The following PGM5 variants were observed in gnomAD, a reference collection of about 807,000 sequenced individuals.
PGM5 encodes the protein phosphoglucomutase-like protein 5.
PGM5 carries 23 observed loss-of-function variants against 59.2 expected under a neutral mutation model. The observed-to-expected ratio is 0.39, with a 90% CI of 0.28 to 0.55. PGM5 has a LOEUF of 0.55. Among genes scored for constraint, PGM5 ranks in the 20% least tolerant of loss-of-function variants. The pLI is 0.66. For missense variants in PGM5, 574 were observed against 748.3 expected (o/e 0.77, Z 2.72); for synonymous variants, 214 against 286.0 (o/e 0.75, Z 2.54).
intron 9 of PGM5, among the ~76,000 whole-genome samples, chr9:68,487,277 C>T (rs1554687589): frequency 6.6e-6 from 1 of 152,098 alleles, no homozygotes; most frequent in Non-Finnish European, 1.5e-5. Context: ...AATTATCACA[C>T]ATGCATCATG....
chr9:68,468,529 C>T (rs1823971771), intron 7 of PGM5, among the ~76,000 whole-genome samples: 1 of 152,096 alleles, frequency 6.6e-6, no homozygotes, highest in Admixed American at 6.5e-5. Context: ...AAGTATTTGC[C>T]TATTTCAATT....
chr9:68,529,698 G>T lies in PGM5; in HGVS notation c.*42G>T. The T allele has an allele frequency of 2.4e-6, 3 of 1,242,640 alleles. No homozygotes were observed. Among genetic ancestry groups the T allele is most frequent in the Non-Finnish European group, 3.4e-6 (3 of 881,476 alleles). 77.0% of individuals were successfully genotyped at this position (1,242,640 alleles called of 1,614,324 possible). On this transcript the variant is annotated 3_prime_UTR_variant, in exon 11 of 11. Coordinates refer to ENST00000396396, the MANE Select transcript of PGM5 (RefSeq NM_021965.4). ...TCACCAGGGCCAAAGAGAGTGCTCAGCGGGAGATGCTTCACTGATGCCTTC... is the reference window on the plus strand; with the variant it reads ...TCACCAGGGCCAAAGAGAGTGCTCATCGGGAGATGCTTCACTGATGCCTTC...
intron 6 of PGM5, among the ~76,000 whole-genome samples, chr9:68,460,888 G>A (rs1034128658): frequency 1.3e-5 from 2 of 152,044 alleles, no homozygotes; most frequent in Non-Finnish European, 2.9e-5. Flanking sequence ...GTGTGTGGAG[G>A]GAAAGTGTTC....
chr9:68,458,131 A>G (rs1564010749), intron 6 of PGM5, among the ~76,000 whole-genome samples: 1 of 152,222 alleles, frequency 6.6e-6, no homozygotes, highest in Non-Finnish European at 1.5e-5. Flanking sequence ...GGTCCAGATT[A>G]TTTAACAGTT....
At chr9:68,512,864 A>T (rs1824770715) in intron 10 of PGM5, among the ~76,000 whole-genome samples, 1 of 152,236 alleles carries the variant, frequency 6.6e-6, no homozygotes. Context: ...GTAATACATA[A>T]ATGAATTAGT....
intron 10 of PGM5, among the ~76,000 whole-genome samples, chr9:68,527,883 T>C (rs1825013282): frequency 6.6e-6 from 1 of 152,340 alleles, no homozygotes; most frequent in African/African-American, 2.4e-5. Context: ...CCTTGCCTAA[T>C]GAATTAAAAC....
At chr9:68,399,038 T>C (rs1404970701) in intron 6 of PGM5, 1 of 152,226 alleles carries the variant, frequency 6.6e-6, no homozygotes, top group Admixed American at 6.5e-5. Context: ...ATATTTTTAC[T>C]TAATGTGACT....
At chr9:68,460,307 C>G (rs1331474047) in intron 6 of PGM5, among the ~76,000 whole-genome samples, 2 of 152,156 alleles carry the variant, frequency 1.3e-5, no homozygotes, top group Admixed American at 6.5e-5. Context: ...AAGCACTGGC[C>G]AGGACACTGG....
intron 10 of PGM5, among the ~76,000 whole-genome samples, chr9:68,512,550 C>T (rs1267812846): frequency 6.6e-6 from 1 of 152,164 alleles, no homozygotes; most frequent in Non-Finnish European, 1.5e-5. Flanking sequence ...CTTTTTGGCT[C>T]ATAGATGGCT....
intron 6 of PGM5, among the ~76,000 whole-genome samples, chr9:68,456,899 T>C (rs1433280983): frequency 1.3e-5 from 2 of 152,214 alleles, no homozygotes; most frequent in African/African-American, 4.8e-5. Flanking sequence ...GTGCTGTGAT[T>C]ACAGGCGTGA....
rs782281328 is a variant in PGM5 at position 68,387,585 on chromosome 9, G to A, written c.694G>A (p.Gly232Arg). 6.8e-6 allele frequency: 11 copies of A among 1,611,578 alleles called. No homozygotes were observed. The East Asian group carries it at 8.9e-5, about 13-fold the overall frequency. Residue 232 changes from glycine to arginine, a missense_variant, in exon 4 of 11, where the codon GGA becomes AGA. By Grantham distance (125) the Gly-to-Arg change is moderately radical (BLOSUM62 -2). Coordinates refer to ENST00000396396, the MANE Select transcript of PGM5 (RefSeq NM_021965.4). ...QLKIRIDAMH[G>R]VMGPYVRKVL... is the part of the protein sequence containing the mutation. ...GAAGATTCGCATTGACGCAATGCAC[G>A]GAGGTAAGCTTGTGATTTTCTCCAA...
intron 1 of PGM5, among the ~76,000 whole-genome samples, chr9:68,371,860 G>T (rs1293905141): frequency 6.6e-6 from 1 of 151,884 alleles, no homozygotes; most frequent in Non-Finnish European, 1.5e-5. Flanking sequence ...CAGAGAAGAA[G>T]ACGTGAAAAC....
chr9:68,486,060 G>A (rs1824289842), intron 9 of PGM5, among the ~76,000 whole-genome samples: 1 of 152,120 alleles, frequency 6.6e-6, no homozygotes, highest in Admixed American at 6.6e-5. Context: ...TGAGTCTGGG[G>A]TACACTTTAG....
At chr9:68,511,027 G>A (rs1410378228) in intron 10 of PGM5, among the ~76,000 whole-genome samples, 1 of 152,188 alleles carries the variant, frequency 6.6e-6, no homozygotes, top group African/African-American at 2.4e-5. Flanking sequence ...TAAGTAGCAG[G>A]CTTCAGAGAG....
chr9:68,519,994 G>A (rs951729679), intron 10 of PGM5, among the ~76,000 whole-genome samples: 2 of 150,998 alleles, frequency 1.3e-5, no homozygotes, highest in African/African-American at 4.9e-5. Context: ...GGAGGCTGAG[G>A]TGAGAGGATT....
chr9:68,404,536 G>C (rs1822753706), intron 6 of PGM5, among the ~76,000 whole-genome samples: 1 of 152,176 alleles, frequency 6.6e-6, no homozygotes, highest in African/African-American at 2.4e-5. Context: ...TTGGATATGA[G>C]ATGCCCGAGC....
At chr9:68,499,715 ACG>A (rs1232877073) in intron 10 of PGM5, among the ~76,000 whole-genome samples, 2 of 152,210 alleles carry the variant, frequency 1.3e-5, no homozygotes, top group East Asian at 3.9e-4. Flanking sequence ...AGCCTTGACT[ACG>A]CTTATGTAAC....
At chr9:68,411,344 G>C (rs532935135) in intron 6 of PGM5, among the ~76,000 whole-genome samples, 3 of 150,792 alleles carry the variant, frequency 2.0e-5, no homozygotes, top group Non-Finnish European at 2.9e-5. Context: ...GGGCAACATA[G>C]AGACATACAG....
chr9:68,410,088 G>T (rs532963075), intron 6 of PGM5, among the ~76,000 whole-genome samples: 1 of 152,182 alleles, frequency 6.6e-6, no homozygotes, highest in Non-Finnish European at 1.5e-5. Flanking sequence ...TGTCCTCAGG[G>T]TTCCAGGCAG....
Sources: gnomAD v4.1 joint callset for allele counts (sites outside exome capture counted in the v4.1 genomes callset) on GRCh38, gnomAD v4.1.1 for gene constraint, MANE v1.5 for transcripts, NCBI Gene and HGNC (gene_info 2026-07-23, HGNC 2026-07-21) for gene names.